Variants in ARHGAP24 observed in about 807,000 individuals in gnomAD.
ARHGAP24 encodes Rho GTPase activating protein 24, also known as rho GTPase-activating protein 24.
Under a neutral mutation model 76.4 loss-of-function variants are expected in ARHGAP24, and 50 were observed. The ratio of observed to expected loss-of-function variants is 0.65; its 90% confidence interval spans 0.52 to 0.83. The LOEUF (loss-of-function observed/expected upper bound fraction) is 0.83. Among genes scored for constraint, ARHGAP24 ranks in the 40% least tolerant of loss-of-function variants. The pLI, the probability that ARHGAP24 is intolerant of heterozygous loss-of-function variation, is 0.00. For synonymous variants in ARHGAP24, 345 were observed against 323.3 expected (o/e 1.07, Z -0.72); for missense variants, 930 against 914.2 (o/e 1.02, Z -0.22).
chr4:85,620,480 G>T (rs1720680309), intron 2 of ARHGAP24, among the ~76,000 whole-genome samples: 1 of 151,736 alleles, frequency 6.6e-6, no homozygotes, highest in African/African-American at 2.4e-5. Flanking sequence ...TTGTAGTTTT[G>T]TGGTTTCGGT....
chr4:85,512,885 C>T (rs1483001797), intron 1 of ARHGAP24, among the ~76,000 whole-genome samples: 2 of 152,198 alleles, frequency 1.3e-5, no homozygotes, highest in African/African-American at 2.4e-5. Context: ...AAATTAAACT[C>T]AGTACTCCCA....
rs1383765834 is a variant in ARHGAP24 at position 85,942,166 on chromosome 4, A to G, written c.492A>G (p.Arg164=). 1 of 1,614,032 alleles carries G rather than the reference A, an allele frequency of 6.2e-7. No homozygotes were observed. Among genetic ancestry groups the G allele is most frequent in the South Asian group, 1.1e-5 (1 of 91,072 alleles). Residue 164 remains arginine (R), a synonymous_variant, in exon 5 of 10, where the codon CGA becomes CGG. Coordinates refer to ENST00000395184, the MANE Select transcript of ARHGAP24 (RefSeq NM_001025616.3). Reference sequence around the variant, plus strand: ...TGGAGCAGTGCGTGGACTTTATCCGACAAAGGGGGCTGAAAGAAGAGGGTC... The same window carrying G: ...TGGAGCAGTGCGTGGACTTTATCCGGCAAAGGGGGCTGAAAGAAGAGGGTC... ...MLVEQCVDFI[R]QRGLKEEGLF...
chr4:85,767,519 A>T (rs1000121227), intron 3 of ARHGAP24, among the ~76,000 whole-genome samples: 1 of 152,138 alleles, frequency 6.6e-6, no homozygotes, highest in East Asian at 1.9e-4. Flanking sequence ...GGTTGTCTGT[A>T]TGAGCCATAA....
intron 1 of ARHGAP24, among the ~76,000 whole-genome samples, chr4:85,566,777 G>C (rs1347979561): frequency 6.6e-6 from 1 of 152,224 alleles, no homozygotes; most frequent in Admixed American, 6.5e-5. Context: ...ATTTAGAGAA[G>C]TGTCAGGGAG....
At chr4:85,512,605 T>C (rs1487480555) in intron 1 of ARHGAP24, among the ~76,000 whole-genome samples, 1 of 152,218 alleles carries the variant, frequency 6.6e-6, no homozygotes, top group Non-Finnish European at 1.5e-5. Context: ...TGTTTGGAAA[T>C]TTAGGGGCTC....
At chr4:85,479,721 C>T (rs569170920) in intron 1 of ARHGAP24, among the ~76,000 whole-genome samples, 1 of 152,156 alleles carries the variant, frequency 6.6e-6, no homozygotes, top group South Asian at 2.1e-4. Flanking sequence ...AAGTTTCTTC[C>T]TGAAAAAAAT....
chr4:85,726,233 G>A (rs927613576), intron 3 of ARHGAP24, among the ~76,000 whole-genome samples: 1 of 152,010 alleles, frequency 6.6e-6, no homozygotes, highest in Non-Finnish European at 1.5e-5. Context: ...AGCCTCTTTT[G>A]GGGGGTGGGG....
intron 1 of ARHGAP24, among the ~76,000 whole-genome samples, chr4:85,535,606 A>G (rs560713746): frequency 6.6e-6 from 1 of 152,346 alleles, no homozygotes; most frequent in East Asian, 1.9e-4. Flanking sequence ...ATGTTGTCCC[A>G]TCTGAATCAC....
At chr4:85,711,071 GAAC>G (rs1294664511) in intron 2 of ARHGAP24, among the ~76,000 whole-genome samples, 2 of 152,100 alleles carry the variant, frequency 1.3e-5, no homozygotes, top group East Asian at 1.9e-4. Flanking sequence ...AGCTATAAAA[GAAC>G]AACAAGATCA....
intron 2 of ARHGAP24, among the ~76,000 whole-genome samples, chr4:85,571,671 G>A (rs1365770647): frequency 1.3e-5 from 2 of 151,940 alleles, no homozygotes; most frequent in Non-Finnish European, 2.9e-5. Flanking sequence ...CCTAAAAATA[G>A]CAATAAAAAT....
chr4:85,524,201 C>G (rs1169980500), intron 1 of ARHGAP24, among the ~76,000 whole-genome samples: 1 of 152,116 alleles, frequency 6.6e-6, no homozygotes, highest in Non-Finnish European at 1.5e-5. Context: ...AATTCTGATA[C>G]CCCTCCTCCA....
chr4:85,727,577 T>C (rs1725217953), intron 3 of ARHGAP24, among the ~76,000 whole-genome samples: 1 of 152,182 alleles, frequency 6.6e-6, no homozygotes, highest in East Asian at 1.9e-4. Flanking sequence ...TGCTTTCTTA[T>C]AGACAACTGT....
chr4:85,589,294 A>G (rs1487135057), intron 2 of ARHGAP24, among the ~76,000 whole-genome samples: 1 of 152,204 alleles, frequency 6.6e-6, no homozygotes. Context: ...AGAAGATTGC[A>G]TTGGGTTGAC....
chr4:85,907,070 G>A (rs578075769), intron 3 of ARHGAP24, among the ~76,000 whole-genome samples: 5 of 152,130 alleles, frequency 3.3e-5, no homozygotes, highest in Non-Finnish European at 5.9e-5. Flanking sequence ...TGATTTACAC[G>A]AACTCTTGCT....
chr4:85,852,964 CAG>C (rs939148088), intron 3 of ARHGAP24, among the ~76,000 whole-genome samples: 8 of 152,288 alleles, frequency 5.3e-5, no homozygotes, highest in African/African-American at 1.4e-4. Flanking sequence ...TGTCCGTTCT[CAG>C]AGCTCAAACA....
chr4:85,922,083 T>C (rs1735750813), intron 3 of ARHGAP24, among the ~76,000 whole-genome samples: 1 of 152,206 alleles, frequency 6.6e-6, no homozygotes, highest in Admixed American at 6.5e-5. Flanking sequence ...TAGTTTTATT[T>C]ATTCAAAAGA....
chr4:85,701,576 T>C lies in ARHGAP24; in HGVS notation c.181-20309T>C, dbSNP rs183342590. 7.2e-5 allele frequency among the ~76,000 whole-genome samples: 11 copies of C among 152,284 alleles called. No individual in the cohort carries two copies. The East Asian group carries it at 2.1e-3, about 29-fold the overall frequency. On this transcript the variant is annotated intron_variant, in intron 2 of 9. Transcript: ENST00000395184. Reference sequence around the variant, plus strand: ...ACAGTGATTGCATCCTACTGTAAAATAAATACATCAATCAATGAAGAATTT... The same window carrying C: ...ACAGTGATTGCATCCTACTGTAAAACAAATACATCAATCAATGAAGAATTT...
intron 1 of ARHGAP24, among the ~76,000 whole-genome samples, chr4:85,490,466 T>C (rs1723308032): frequency 6.6e-6 from 1 of 152,314 alleles, no homozygotes; most frequent in Non-Finnish European, 1.5e-5. Context: ...GGTAGTTCTT[T>C]TGCTTTGCAA....
intron 1 of ARHGAP24, among the ~76,000 whole-genome samples, chr4:85,509,129 G>T (rs542167582): frequency 6.8e-6 from 1 of 147,712 alleles, no homozygotes; most frequent in African/African-American, 2.5e-5. Flanking sequence ...CTCACTCATA[G>T]GTGGGAATTG....
Sources: gnomAD v4.1 joint callset for allele counts (sites outside exome capture counted in the v4.1 genomes callset) on GRCh38, gnomAD v4.1.1 for gene constraint, MANE v1.5 for transcripts, NCBI Gene and HGNC (gene_info 2026-07-23, HGNC 2026-07-21) for gene names.